The following SNTG1 variants were observed in gnomAD, a reference collection of about 807,000 sequenced individuals.
SNTG1 encodes the protein gamma-1-syntrophin.
SNTG1 carries 39 observed loss-of-function variants against 74.7 expected under a neutral mutation model. That is an observed-to-expected ratio of 0.52 (90% CI 0.40 to 0.68). The LOEUF is 0.68. Ranked by LOEUF, SNTG1 falls within the 30% of genes least tolerant of loss-of-function variation. SNTG1 has a pLI of 0.00. For synonymous variants in SNTG1, 254 were observed against 217.1 expected (o/e 1.17, Z -1.49); for missense variants, 685 against 609.5 (o/e 1.12, Z -1.30).
At chr8:49,990,239 T>C (rs897543650) in intron 1 of SNTG1, among the ~76,000 whole-genome samples, 4 of 152,032 alleles carry the variant, frequency 2.6e-5, no homozygotes. Context: ...ATTATATTTC[T>C]ATATACTATA....
At chr8:50,493,852 G>A (rs903552553) in intron 8 of SNTG1, among the ~76,000 whole-genome samples, 1 of 151,124 alleles carries the variant, frequency 6.6e-6, no homozygotes, top group Admixed American at 6.6e-5. Flanking sequence ...GTCAAATACA[G>A]TCAGGTACCA....
At chr8:50,752,182 C>CT in intron 18 of SNTG1, 71 bp downstream of exon 18, 2 of 790,566 alleles carry the variant, frequency 2.5e-6, no homozygotes, top group Non-Finnish European at 3.7e-6. Flanking sequence ...AGAGGGGAAA[C>CT]TTTCGGGGAA....
At chr8:50,634,813 G>T (rs963231848) in intron 13 of SNTG1, among the ~76,000 whole-genome samples, 2 of 152,040 alleles carry the variant, frequency 1.3e-5, no homozygotes, top group African/African-American at 4.8e-5. Flanking sequence ...AATACCTTCT[G>T]TTGCCTTGTA....
chr8:50,664,340 A>T (rs2095240239), intron 15 of SNTG1, among the ~76,000 whole-genome samples: 1 of 152,154 alleles, frequency 6.6e-6, no homozygotes, highest in Non-Finnish European at 1.5e-5. Context: ...CAAAACTAGG[A>T]ATATAAAATT....
intron 1 of SNTG1, among the ~76,000 whole-genome samples, chr8:49,990,217 T>C (rs902385275): frequency 6.6e-6 from 1 of 151,982 alleles, no homozygotes; most frequent in African/African-American, 2.4e-5. Flanking sequence ...AACTTATAAA[T>C]GAATTCAGTA....
At chr8:50,699,814 T>G (rs1585576038) in intron 15 of SNTG1, among the ~76,000 whole-genome samples, 2 of 152,112 alleles carry the variant, frequency 1.3e-5, no homozygotes, top group East Asian at 1.9e-4. Context: ...ATACGAATAT[T>G]TATCTGTATT....
At chr8:49,992,291 G>A (rs1813764117) in intron 1 of SNTG1, among the ~76,000 whole-genome samples, 1 of 152,208 alleles carries the variant, frequency 6.6e-6, no homozygotes, top group Admixed American at 6.5e-5. Context: ...AAAAGTAAGA[G>A]AGTTGTGAAT....
At chr8:50,496,133 A>G (rs1437989733) in intron 8 of SNTG1, among the ~76,000 whole-genome samples, 1 of 152,214 alleles carries the variant, frequency 6.6e-6, no homozygotes, top group Non-Finnish European at 1.5e-5. Context: ...GTCATGTTTA[A>G]GATCCTTTTC....
Position 50,429,780 on chromosome 8 carries a change from C to T in SNTG1, c.163-8763C>T, listed in dbSNP as rs189977345. Among the ~76,000 whole-genome samples the T allele has an allele frequency of 2.0e-5, 3 of 152,024 alleles. No homozygotes were observed. In the East Asian group the frequency reaches 5.8e-4, roughly 29 times the overall value. On this transcript the variant is annotated intron_variant, in intron 4 of 18. Coordinates refer to ENST00000642720, the MANE Select transcript of SNTG1 (RefSeq NM_018967.5). ...ATCCAGAAAGTGTAAAAAGTTCTCGCAACTCAATTAAACGGGCAATCAAAA... is the reference window on the plus strand; with the variant it reads ...ATCCAGAAAGTGTAAAAAGTTCTCGTAACTCAATTAAACGGGCAATCAAAA...
At chr8:50,001,840 A>G (rs565293515) in intron 1 of SNTG1, among the ~76,000 whole-genome samples, 25 of 152,268 alleles carry the variant, frequency 1.6e-4, no homozygotes, top group Non-Finnish European at 3.4e-4. Flanking sequence ...AATTCCACAA[A>G]TATCAGTGTA....
chr8:50,446,850 C>G lies in SNTG1; in HGVS notation c.220-2818C>G, dbSNP rs148788112. Among the ~76,000 whole-genome samples the G allele has an allele frequency of 2.1e-3, 316 of 152,238 alleles. 5 individuals are homozygous for G. The highest frequency in any genetic ancestry group is 7.1e-3 in the African/African-American group (296 of 41,550). On this transcript the variant is annotated intron_variant, in intron 5 of 18. Transcript: ENST00000642720. ...TAACCTTGGGAGATGCATTCCAAGA[C>G]CCCAGTAGTTGCCCGAAACTGCAGA...
chr8:50,229,507 T>G (rs949026359), intron 2 of SNTG1, among the ~76,000 whole-genome samples: 6 of 151,552 alleles, frequency 4.0e-5, no homozygotes, highest in Admixed American at 3.3e-4. Context: ...AGGAAGATTA[T>G]CAGGAATAAT....
At chr8:50,071,266 A>C (rs1487621335) in intron 1 of SNTG1, among the ~76,000 whole-genome samples, 1 of 152,124 alleles carries the variant, frequency 6.6e-6, no homozygotes, top group Non-Finnish European at 1.5e-5. Context: ...TGGCATGATC[A>C]TAGCTCACTG....
intron 1 of SNTG1, among the ~76,000 whole-genome samples, chr8:50,071,147 G>A (rs1053086523): frequency 6.6e-6 from 1 of 152,108 alleles, no homozygotes; most frequent in Non-Finnish European, 1.5e-5. Flanking sequence ...ACTCCTAAGG[G>A]AAGAATACAA....
intron 2 of SNTG1, among the ~76,000 whole-genome samples, chr8:50,206,286 C>A (rs2084233716): frequency 6.6e-6 from 1 of 152,124 alleles, no homozygotes; most frequent in East Asian, 1.9e-4. Flanking sequence ...TCCTTCACAT[C>A]CCTTGTCAGT....
intron 18 of SNTG1, chr8:50,762,884 A>C: frequency 6.7e-6 from 2 of 298,252 alleles, no homozygotes; most frequent in South Asian, 2.9e-5. Flanking sequence ...GCTATTTTTA[A>C]ATGTTTTCCC....
chr8:49,975,119 G>A (rs539952375), intron 1 of SNTG1, among the ~76,000 whole-genome samples: 2 of 152,272 alleles, frequency 1.3e-5, no homozygotes, highest in Admixed American at 6.5e-5. Context: ...AATGGACCTA[G>A]AGGTGGCTAT....
intron 3 of SNTG1, among the ~76,000 whole-genome samples, chr8:50,401,473 A>G (rs970916607): frequency 1.3e-5 from 2 of 152,218 alleles, no homozygotes; most frequent in Admixed American, 6.5e-5. Flanking sequence ...AAGCAAACAC[A>G]TTGGATTAGG....
rs1285339194 is a variant in SNTG1 at position 50,794,005 on chromosome 8, G to A, written c.*1176G>A. The A allele has an allele frequency of 6.6e-6, 1 of 151,710 alleles. No homozygotes were observed. The highest frequency in any genetic ancestry group is 6.6e-5 in the Admixed American group (1 of 15,168). The allele number at this position is 151,710 out of a possible 1,614,324, so 9.4% of individuals were successfully genotyped here. A position where few individuals can be genotyped will look rare whatever the true frequency, so the allele number is the denominator to read the frequency against. ...GCTGGGAAATTTGAAAGCCTTAGAG[G>A]TGTGCAATTTACTCAGATTCCAGGT... On this transcript the variant is annotated 3_prime_UTR_variant, in exon 19 of 19. Coordinates refer to ENST00000642720, the MANE Select transcript of SNTG1 (RefSeq NM_018967.5).
Sources: gnomAD v4.1 joint callset for allele counts (sites outside exome capture counted in the v4.1 genomes callset) on GRCh38, gnomAD v4.1.1 for gene constraint, MANE v1.5 for transcripts, NCBI Gene and HGNC (gene_info 2026-07-23, HGNC 2026-07-21) for gene names.